AP1S2: variants seen among roughly 807,000 people sequenced by gnomAD.
The protein encoded by AP1S2 is AP-1 complex subunit sigma-2.
In AP1S2, 1 loss-of-function variant was observed where a neutral mutation model predicts 14.3. That is an observed-to-expected ratio of 0.07 (90% CI 0.02 to 0.33). The LOEUF (loss-of-function observed/expected upper bound fraction) is 0.33, where lower values mean the gene tolerates loss of function less well. AP1S2 is among the 10% of genes least tolerant of loss of function. AP1S2 has a pLI of 0.99. For synonymous variants in AP1S2, 30 were observed against 40.5 expected, an observed-to-expected ratio of 0.74 and a Z score of 0.99; for missense variants, 30 against 117.7, an observed-to-expected ratio of 0.25 and a Z score of 3.45.
intron 4 of AP1S2, among the ~76,000 whole-genome samples, chrX:15,843,178 T>A (rs781639167): frequency 8.9e-6 from 1 of 112,251 alleles, no homozygotes; most frequent in South Asian, 3.6e-4. Flanking sequence ...CCCTAGTACA[T>A]TAAATACTGA....
chrX:15,848,158 G>C (rs1419041317), intron 2 of AP1S2, among the ~76,000 whole-genome samples: 2 of 111,838 alleles, frequency 1.8e-5, no homozygotes, highest in East Asian at 5.6e-4. Context: ...GAATTCTTTG[G>C]TGTAGGTGAA....
chrX:15,848,611 T>TA (rs1934070257), intron 2 of AP1S2, among the ~76,000 whole-genome samples: 1 of 112,248 alleles, frequency 8.9e-6, no homozygotes, highest in Non-Finnish European at 1.9e-5. Flanking sequence ...CAAATGGTTT[T>TA]AAAAAAATCA....
chrX:15,846,955 G>A (rs1391749702), intron 2 of AP1S2, among the ~76,000 whole-genome samples: 3 of 112,071 alleles, frequency 2.7e-5, no homozygotes, highest in Non-Finnish European at 5.6e-5. Flanking sequence ...CAAGTCCTTT[G>A]AGGAGGATTA....
intron 3 of AP1S2, 54 bp downstream of exon 3, chrX:15,845,849 A>G (rs1375319929): frequency 9.9e-7 from 1 of 1,014,295 alleles, no homozygotes; most frequent in Non-Finnish European, 1.4e-6. Context: ...TGTTAGAGAA[A>G]AGGTTCCAAA....
intron 4 of AP1S2, chrX:15,830,597 A>G: frequency 1.6e-6 from 1 of 625,054 alleles, no homozygotes; most frequent in Non-Finnish European, 1.9e-6. Flanking sequence ...TGCATGTTTT[A>G]TTAAAAGAAT....
chrX:15,832,312 G>C (rs1361562585), intron 4 of AP1S2: 15 of 732,330 alleles, frequency 2.0e-5, no homozygotes, highest in Non-Finnish European at 1.4e-5. Context: ...TTGCTTATTT[G>C]AGTGTCTTTA....
At chrX:15,840,480 G>T in intron 4 of AP1S2, 1 of 900,345 alleles carries the variant, frequency 1.1e-6, no homozygotes, top group Non-Finnish European at 1.4e-6. Context: ...CACAAAAATG[G>T]TAAATTTAGT....
chrX:15,851,606 A>G (rs1035917535), intron 2 of AP1S2, among the ~76,000 whole-genome samples: 3 of 112,584 alleles, frequency 2.7e-5, no homozygotes, highest in Non-Finnish European at 5.6e-5. Context: ...ACTTAGAACA[A>G]TCTTGAGAAA....
At chrX:15,834,439 A>AATATATATATATATATATATATATATAT (rs1161066866) in intron 4 of AP1S2, among the ~76,000 whole-genome samples, 1 of 25,126 alleles carries the variant, frequency 4.0e-5, no homozygotes, top group Non-Finnish European at 7.2e-5. Context: ...TCCCTTCCAA[A>AATATATATATATATATATATATATATAT]ATATATATAT....
At chrX:15,840,969 G>A (rs1187257843) in intron 4 of AP1S2, among the ~76,000 whole-genome samples, 1 of 112,012 alleles carries the variant, frequency 8.9e-6, no homozygotes, top group Non-Finnish European at 1.9e-5. Context: ...ATGAAGTTTG[G>A]TCTAGAAATG....
intron 4 of AP1S2, among the ~76,000 whole-genome samples, chrX:15,841,220 A>G (rs1933819885): frequency 9.0e-6 from 1 of 111,544 alleles, no homozygotes; most frequent in Non-Finnish European, 1.9e-5. Flanking sequence ...GGGTAAGAGA[A>G]ATTTTTTTTT....
In AP1S2 at chrX:15,831,752, T is replaced by C. The variant is rs1353326740; in HGVS notation, c.427-3552A>G. 5 of 707,304 alleles carry C rather than the reference T, an allele frequency of 7.1e-6. No individual in the cohort carries two copies. In the East Asian group the frequency reaches 7.8e-4, roughly 110 times the overall value. 58.3% of individuals were successfully genotyped at this position (707,304 alleles called of 1,213,427 possible). ...ATGCCCAAGACTTTAGATTCATTTT[T>C]TTCTAACTTTACTACATACAGTGTT... On this transcript the variant is annotated intron_variant, in intron 4 of 5. Transcript: ENST00000672987.
chrX:15,828,598 A>T (rs1933333180), intron 4 of AP1S2, among the ~76,000 whole-genome samples: 1 of 111,368 alleles, frequency 9.0e-6, no homozygotes, highest in South Asian at 3.7e-4. Flanking sequence ...GTATTTTTTT[A>T]AAAAGAGTCT....
chrX:15,832,062 C>G (rs954538725), intron 4 of AP1S2: 82 of 744,561 alleles, frequency 1.1e-4, no homozygotes, highest in Non-Finnish European at 1.2e-4. Flanking sequence ...TTTACTTATA[C>G]CTACAAAAGC....
At chrX:15,834,647 TG>T (rs1933570113) in intron 4 of AP1S2, among the ~76,000 whole-genome samples, 1 of 94,599 alleles carries the variant, frequency 1.1e-5, no homozygotes, top group Non-Finnish European at 2.1e-5. Flanking sequence ...GGCTAATTTT[TG>T]TATTTTTTTT....
At chrX:15,837,270 C>T (rs1933671981) in intron 4 of AP1S2, among the ~76,000 whole-genome samples, 1 of 111,688 alleles carries the variant, frequency 9.0e-6, no homozygotes, top group African/African-American at 3.3e-5. Flanking sequence ...ACAACAACAA[C>T]AAAAAGTCTA....
intron 4 of AP1S2, chrX:15,832,117 TA>T (rs1247787350): frequency 1.3e-6 from 1 of 749,597 alleles, no homozygotes; most frequent in Non-Finnish European, 1.6e-6. Context: ...ATTACTTTTT[TA>T]AAAATCCTCA....
intron 4 of AP1S2, among the ~76,000 whole-genome samples, chrX:15,837,088 G>C (rs1011783333): frequency 2.7e-5 from 3 of 111,111 alleles, no homozygotes; most frequent in African/African-American, 9.8e-5. Flanking sequence ...AGACTGCAAA[G>C]AAATATTTTA....
At chrX:15,849,027 G>A (rs1353975373) in intron 2 of AP1S2, among the ~76,000 whole-genome samples, 4 of 111,882 alleles carry the variant, frequency 3.6e-5, no homozygotes, top group South Asian at 3.7e-4. Context: ...TCCACAAAAT[G>A]CTACACAAAA....
Sources: allele counts gnomAD v4.1 joint callset (sites outside exome capture counted in the v4.1 genomes callset), GRCh38; gene constraint gnomAD v4.1.1; transcripts MANE v1.5; gene names NCBI Gene and HGNC (gene_info 2026-07-23, HGNC 2026-07-21).